KRT85: variants seen among roughly 807,000 people sequenced by gnomAD.
KRT85 encodes keratin 85, also known as keratin, type II cuticular Hb5.
KRT85 carries 39 observed loss-of-function variants against 53.7 expected under a neutral mutation model. That is an observed-to-expected ratio of 0.73 (90% CI 0.56 to 0.95). The LOEUF (loss-of-function observed/expected upper bound fraction) is 0.95. KRT85 is among the 40% of genes least tolerant of loss of function. KRT85 has a pLI of 0.00. For missense variants in KRT85, 668 were observed against 686.0 expected, an observed-to-expected ratio of 0.97 and a Z score of 0.29; for synonymous variants, 291 against 277.5, an observed-to-expected ratio of 1.05 and a Z score of -0.48.
At chr12:52,363,528 C>T (rs1939226591) in intron 4 of KRT85, 118 bp from the exon 5 acceptor site, 1 of 1,044,940 alleles carries the variant, frequency 9.6e-7, no homozygotes, top group South Asian at 1.3e-5. Context: ...TTACATGACT[C>T]CTGCTCCTAC....
At position 52,360,419 on chromosome 12, in the gene KRT85, G is replaced by A; in HGVS notation, c.*434C>T. ...GGGGGACCATTCTTCCCAGCCAGGA[G>A]GAGGGGGCTGCTGGGGAGGGACTTT... On this transcript the variant is annotated 3_prime_UTR_variant, in exon 9 of 9. Coordinates refer to ENST00000257901, the MANE Select transcript of KRT85 (RefSeq NM_002283.4). The A allele has an allele frequency of 4.1e-6, 1 of 245,846 alleles. No individual in the cohort carries two copies. The allele number at this position is 245,846 out of a possible 1,614,324, so 15.2% of individuals were successfully genotyped here. A position where few individuals can be genotyped will look rare whatever the true frequency, so the allele number is the denominator to read the frequency against.
At chr12:52,364,719 C>T in intron 2 of KRT85, 3 of 1,408,052 alleles carry the variant, frequency 2.1e-6, no homozygotes. Context: ...ATAGAGAGTG[C>T]TAGAATTCCA....
intron 5 of KRT85, 77 bp from the exon 6 acceptor site, chr12:52,363,056 G>T: frequency 6.2e-7 from 1 of 1,609,334 alleles, no homozygotes; most frequent in Non-Finnish European, 8.5e-7. Flanking sequence ...TGACTATACA[G>T]GTTGTACGGT....
At chr12:52,366,851 C>T in intron 1 of KRT85, 135 bp downstream of exon 1, 1 of 1,423,468 alleles carries the variant, frequency 7.0e-7, no homozygotes, top group Non-Finnish European at 9.9e-7. Flanking sequence ...ACTGACCCTT[C>T]CACCTGTATG....
At position 52,363,217 on chromosome 12, in the gene KRT85, T is replaced by C. The variant is rs776651710; in HGVS notation, c.951+29A>G. 5.6e-6 allele frequency: 9 copies of C among 1,613,480 alleles called. No individual in the cohort carries two copies. In the African/African-American group the frequency reaches 9.3e-5, roughly 17 times the overall value. Reference sequence around the variant, plus strand: ...CCTAACTTCCCTCCCACTGCCATGCTTAGCAGGCAGGTGTCCTGTGCCACT... The same window carrying C: ...CCTAACTTCCCTCCCACTGCCATGCCTAGCAGGCAGGTGTCCTGTGCCACT... On this transcript the variant is annotated intron_variant, in intron 5 of 8. Coordinates refer to ENST00000257901, the MANE Select transcript of KRT85 (RefSeq NM_002283.4).
At position 52,360,535 on chromosome 12, in the gene KRT85, C is replaced by G; in HGVS notation, c.*318G>C. The G allele has an allele frequency of 5.1e-6, 2 of 390,846 alleles. No individual in the cohort carries two copies. Among genetic ancestry groups the G allele is most frequent in the Non-Finnish European group, 9.6e-6 (2 of 207,632 alleles). The allele number at this position is 390,846 out of a possible 1,614,324, so 24.2% of individuals were successfully genotyped here. On this transcript the variant is annotated 3_prime_UTR_variant, in exon 9 of 9. Coordinates refer to ENST00000257901, the MANE Select transcript of KRT85 (RefSeq NM_002283.4). ...TGGAGCTTCCGTGCTGACCACCACG[C>G]TGGGGGACTGGTCTTGTCCCTGAGA...
At chr12:52,363,220 G>A (rs759440939) in intron 5 of KRT85, 26 bp downstream of exon 5, 32 of 1,613,546 alleles carry the variant, frequency 2.0e-5, no homozygotes, top group Non-Finnish European at 2.4e-5. Context: ...GCCATGCTTA[G>A]CAGGCAGGTG....
Position 52,361,025 on chromosome 12 carries a change from C to A in KRT85, c.1352G>T (p.Gly451Val). The A allele has an allele frequency of 6.2e-7, 1 of 1,613,226 alleles. No individual in the cohort carries two copies. The highest frequency in any genetic ancestry group is 8.5e-7 in the Non-Finnish European group (1 of 1,179,614). Residue 451 changes from glycine (G) to valine (V), a missense_variant, in exon 9 of 9, where the codon GGA becomes GTA. By Grantham distance (109) the Gly-to-Val change is moderately radical (BLOSUM62 -3). Transcript: ENST00000257901. ...GTAGGAGAGGCCCCCACAGGAGACTCCACCACGGGAGCTGCTGACACCTGT... is the reference window on the plus strand; with the variant it reads ...GTAGGAGAGGCCCCCACAGGAGACTACACCACGGGAGCTGCTGACACCTGT... ...VNVCVSSSRG[G>V]VSCGGLSYST...
intron 8 of KRT85, among the ~76,000 whole-genome samples, 184 bp downstream of exon 8, chr12:52,361,283 C>T (rs771001308): frequency 5.3e-5 from 8 of 152,246 alleles, no homozygotes; most frequent in Non-Finnish European, 7.3e-5. Flanking sequence ...CTATAGCTCA[C>T]TGTCAACACT....
At chr12:52,366,211 C>T (rs1008666518) in intron 1 of KRT85, among the ~76,000 whole-genome samples, 1 of 152,266 alleles carries the variant, frequency 6.6e-6, no homozygotes, top group African/African-American at 2.4e-5. Context: ...CATTTCAGCC[C>T]TCTCTCATGA....
chr12:52,362,773 A>G, intron 6 of KRT85, 81 bp downstream of exon 6: 2 of 1,605,422 alleles, frequency 1.2e-6, no homozygotes, highest in Admixed American at 1.7e-5. Flanking sequence ...CTGCTTCCTC[A>G]TGGGCACACT....
Position 52,360,972 on chromosome 12 carries a change from A to G in KRT85, c.1405T>C (p.Ser469Pro). ...CTGCCGCCTATGGCTGAGGGGCCAGAAGTGATCTGGCGCCCTGGGGTGGTG... is the reference window on the plus strand; with the variant it reads ...CTGCCGCCTATGGCTGAGGGGCCAGGAGTGATCTGGCGCCCTGGGGTGGTG... ...YSTTPGRQITSGPSAIGGSIT... is the reference protein window; with the variant it reads ...YSTTPGRQITPGPSAIGGSIT... The change falls in exon 9 of 9, where the codon TCT (serine) becomes CCT (proline). Residue 469 changes from serine to proline, a missense_variant. By Grantham distance (74) the Ser-to-Pro change is moderately conservative. This residue lies in a region of KRT85 where 488 missense variants were observed against 498.1 expected (regional missense o/e 0.98). Coordinates refer to ENST00000257901, the MANE Select transcript of KRT85 (RefSeq NM_002283.4). 6.2e-7 allele frequency: 1 copy of G among 1,613,594 alleles called. No homozygotes were observed. Among genetic ancestry groups the G allele is most frequent in the Non-Finnish European group, 8.5e-7 (1 of 1,179,966 alleles).
rs1435960718 is a variant in KRT85, at chr12:52,367,393, A to G, written c.13T>C (p.Ser5Pro). The change falls in exon 1 of 9, where the codon TCC becomes CCC. Residue 5 changes from serine (S) to proline (P), a missense_variant. Physicochemically the swap from Ser to Pro is moderately conservative, Grantham distance 74. Around this residue, in one of 3 missense-constraint regions of KRT85, gnomAD observed 158 missense variants for 141.8 expected, o/e 1.11. Transcript: ENST00000257901. Reference protein sequence around the residue: MSCRSYRISSGCGVT... With the variant: MSCRPYRISSGCGVT... ...CCGCATCCTGAGCTGATCCTGTAGGAGCGGCACGACATCGTGTGAGGCTGA... is the reference window on the plus strand; with the variant it reads ...CCGCATCCTGAGCTGATCCTGTAGGGGCGGCACGACATCGTGTGAGGCTGA... 2 of 1,614,042 alleles carry G rather than the reference A, an allele frequency of 1.2e-6. No individual in the cohort carries two copies. The highest frequency in any genetic ancestry group is 1.7e-6 in the Non-Finnish European group (2 of 1,180,010).
At position 52,364,353 on chromosome 12, in the gene KRT85, C is replaced by T. The variant is rs1171627858; in HGVS notation, c.643G>A (p.Val215Met). ...TTCTCTGCTGTGGCTCTCAGGGCCA[C>T]CTCCTCTTCATACCTGGGTGTGGGA... ...EGYKKKYEEE[V>M]ALRATAENEF... Residue 215 changes from valine (V) to methionine (M), a missense_variant, in exon 3 of 9, where the codon GTG (valine) becomes ATG (methionine). This residue lies in a region of KRT85 where 488 missense variants were observed against 498.1 expected (regional missense o/e 0.98). Coordinates refer to ENST00000257901, the MANE Select transcript of KRT85 (RefSeq NM_002283.4). The T allele has an allele frequency of 6.2e-7, 1 of 1,614,146 alleles. No individual in the cohort carries two copies. The highest frequency in any genetic ancestry group is 8.5e-7 in the Non-Finnish European group (1 of 1,180,010).
chr12:52,363,937 G>A, intron 4 of KRT85, 131 bp downstream of exon 4: 3 of 804,094 alleles, frequency 3.7e-6, no homozygotes, highest in Non-Finnish European at 4.4e-6. Context: ...CAGCACGTAT[G>A]TGCAAGCTCT....
Position 52,367,224 on chromosome 12 carries a change from G to A in KRT85, c.182C>T (p.Ser61Phe). 6.2e-7 allele frequency: 1 copy of A among 1,613,394 alleles called. No individual in the cohort carries two copies. The highest frequency in any genetic ancestry group is 1.7e-5 in the Admixed American group (1 of 59,984). ...FGSRSLCNLG[S>F]CGPRIAVGGF... is the part of the protein sequence containing the mutation. ...ACCTACAGCTATCCGGGGCCCGCAGGAGCCCAGGTTGCAGAGGCTGCGGCT... is the reference window on the plus strand; with the variant it reads ...ACCTACAGCTATCCGGGGCCCGCAGAAGCCCAGGTTGCAGAGGCTGCGGCT... The change falls in exon 1 of 9, where the codon TCC becomes TTC. Residue 61 changes from serine to phenylalanine, a missense_variant. Physicochemically the swap from Ser to Phe is radical, Grantham distance 155 (BLOSUM62 -2). Coordinates refer to ENST00000257901, the MANE Select transcript of KRT85 (RefSeq NM_002283.4).
In KRT85 at chr12:52,362,405, G is replaced by C. The variant is rs149188746; in HGVS notation, c.1144C>G (p.Arg382Gly). ...QQGEAALSDA[R>G]CKLAELEGAL... ...CCCTCCAGCTCAGCCAGCTTGCAGC[G>C]GGCATCGCTGAGGGCCGCCTCACCC... Residue 382 changes from arginine (R) to glycine (G), a missense_variant, in exon 7 of 9, where the codon CGC (arginine) becomes GGC (glycine). By Grantham distance (125) the Arg-to-Gly change is moderately radical. Around this residue, in one of 3 missense-constraint regions of KRT85, gnomAD observed 488 missense variants for 498.1 expected, o/e 0.98. Transcript: ENST00000257901. 6.2e-7 allele frequency: 1 copy of C among 1,614,162 alleles called. No homozygotes were observed. Among genetic ancestry groups the C allele is most frequent in the African/African-American group, 1.3e-5 (1 of 75,054 alleles).
chr12:52,365,243 C>T, intron 1 of KRT85, 73 bp from the exon 2 acceptor site: 2 of 1,500,838 alleles, frequency 1.3e-6, no homozygotes, highest in Non-Finnish European at 1.8e-6. Flanking sequence ...AGTCTCTCTG[C>T]CCTCGGGTGC....
chr12:52,365,580 C>A (rs952565276), intron 1 of KRT85, among the ~76,000 whole-genome samples: 1 of 152,164 alleles, frequency 6.6e-6, no homozygotes, highest in Non-Finnish European at 1.5e-5. Flanking sequence ...TACCAGTTGC[C>A]CTTCACTTGC....
Sources: gnomAD v4.1 joint callset for allele counts (sites outside exome capture counted in the v4.1 genomes callset) on GRCh38, gnomAD v4.1.1 for gene constraint, gnomAD v4.1.1 regional missense constraint, MANE v1.5 for transcripts, NCBI Gene and HGNC (gene_info 2026-07-23, HGNC 2026-07-21) for gene names.